MGAM: variants seen among roughly 807,000 people sequenced by gnomAD.
MGAM encodes the protein alpha-1,4-glucosidase.
MGAM carries 253 observed loss-of-function variants against 358.8 expected under a neutral mutation model. That is an observed-to-expected ratio of 0.71 (90% confidence interval 0.64 to 0.78). The LOEUF (loss-of-function observed/expected upper bound fraction) is 0.78, where lower values mean the gene tolerates loss of function less well. Ranked by LOEUF, MGAM falls within the 30% of genes least tolerant of loss-of-function variation. The probability of loss-of-function intolerance (pLI) is 0.00; values close to 1 mark genes in which losing one functional copy is unlikely to be tolerated. For synonymous variants in MGAM, 1,105 were observed against 1,227.1 expected, an observed-to-expected ratio of 0.90 and a Z score of 2.08; for missense variants, 3,080 against 3,432.6, an observed-to-expected ratio of 0.90 and a Z score of 2.57.
In MGAM at chr7:142,038,409, A is replaced by G. The variant is rs146791261; in HGVS notation, c.2232-122A>G. On this transcript the variant is annotated intron_variant, in intron 18 of 70. Transcript: ENST00000475668. ...GGGCTTGAGTAGGTGTCACAGAATAATTTGGGGGGTTTGCCTGGGCAGACG... is the reference window on the plus strand; with the variant it reads ...GGGCTTGAGTAGGTGTCACAGAATAGTTTGGGGGGTTTGCCTGGGCAGACG... The G allele has an allele frequency of 1.6e-3, 1,121 of 696,770 alleles. 14 individuals carry two copies. In the African/African-American group the frequency reaches 0.018, roughly 11 times the overall value. 43.2% of individuals were successfully genotyped at this position (696,770 alleles called of 1,614,324 possible). A position where few individuals can be genotyped will look rare whatever the true frequency, so the allele number is the denominator to read the frequency against.
At chr7:142,082,626 C>G (rs111238471) in intron 52 of MGAM, 55 bp downstream of exon 52, 5 of 1,309,408 alleles carry the variant, frequency 3.8e-6, no homozygotes, top group Non-Finnish European at 1.1e-6. Flanking sequence ...ATGCCTGAGT[C>G]AGTTTAGAAT....
At chr7:142,087,852 G>A (rs1348535972) in intron 57 of MGAM, among the ~76,000 whole-genome samples, 3 of 146,456 alleles carry the variant, frequency 2.0e-5, no homozygotes, top group Admixed American at 1.4e-4. Context: ...CCACTCAGAA[G>A]TCCAGGGGCA....
intron 13 of MGAM, 85 bp downstream of exon 13, chr7:142,031,878 GGGAGAGGAGGA>G: frequency 1.1e-6 from 1 of 883,464 alleles, no homozygotes; most frequent in Non-Finnish European, 1.8e-6. Context: ...ACAGAGCATA[GGGAGAGGAGGA>G]GGAGAAGAAA....
intron 47 of MGAM, among the ~76,000 whole-genome samples, chr7:142,078,096 A>C (rs1402364253): frequency 6.8e-6 from 1 of 146,036 alleles, no homozygotes; most frequent in African/African-American, 2.4e-5. Context: ...TGCTATGTAC[A>C]AGATTCTGCT....
intron 6 of MGAM, 79 bp downstream of exon 6, chr7:142,021,816 C>T (rs1806489523): frequency 1.8e-5 from 26 of 1,442,456 alleles, no homozygotes; most frequent in Non-Finnish European, 2.4e-5. Flanking sequence ...GGGGGTGTTT[C>T]AACAATATTC....
rs1816680783 is a variant in MGAM, at chr7:142,104,426, A to G, written c.8184+987A>G. On this transcript the variant is annotated intron_variant, in intron 70 of 70. Coordinates refer to ENST00000475668, the MANE Select transcript of MGAM (RefSeq NM_001365693.1). ...TAGTTTATTGTATTTATTATTATTT[A>G]GAAGAAAAATATGTGTTACAAATTG... Among the ~76,000 whole-genome samples the G allele has an allele frequency of 2.0e-5, 3 of 152,182 alleles. No homozygotes were observed. The South Asian group carries it at 6.2e-4, about 32-fold the overall frequency.
rs1177021069 is a variant in MGAM at position 142,083,299 on chromosome 7, A to T, written c.6269-2A>T. On this transcript the variant is annotated splice_acceptor_variant, in intron 52 of 70. Transcript: ENST00000475668. LOFTEE classifies it high-confidence loss of function. ...TTGATTAGCATTTTTCTTCATTTTC[A>T]GATGTGACGTTCCAGCCCCTGCCTG... is the stretch of plus-strand genomic sequence containing the variant. 6.5e-7 allele frequency: 1 copy of T among 1,542,618 alleles called. No individual in the cohort carries two copies. Among genetic ancestry groups the T allele is most frequent in the Admixed American group, 1.7e-5 (1 of 57,432 alleles).
At chr7:142,078,250 A>G in intron 47 of MGAM, 68 bp from the exon 48 acceptor site, 1 of 1,167,340 alleles carries the variant, frequency 8.6e-7, no homozygotes, top group Non-Finnish European at 1.2e-6. Flanking sequence ...ATAAATAAAT[A>G]AAGTCTTAGA....
upstream of MGAM, among the ~76,000 whole-genome samples, chr7:141,994,432 T>G (rs1327727791): frequency 6.6e-6 from 1 of 152,166 alleles, no homozygotes; most frequent in Admixed American, 6.5e-5. Flanking sequence ...TGGCAGGGAA[T>G]GAAATCACAG....
At chr7:142,027,868 G>T in intron 10 of MGAM, 133 bp downstream of exon 10, 1 of 981,282 alleles carries the variant, frequency 1.0e-6, no homozygotes, top group Non-Finnish European at 1.3e-6. Flanking sequence ...TAGATATTCA[G>T]AATACTAGAC....
chr7:142,057,348 C>T (rs1008637722), intron 30 of MGAM, among the ~76,000 whole-genome samples: 5 of 146,894 alleles, frequency 3.4e-5, no homozygotes, highest in Non-Finnish European at 6.0e-5. Context: ...GTGATGATGA[C>T]GGTGATAGTG....
In MGAM at chr7:142,041,895, A is replaced by AATAT. The variant is rs1230785108; in HGVS notation, c.2498+1056_2498+1059dup. On this transcript the variant is annotated intron_variant, in intron 21 of 70. Coordinates refer to ENST00000475668, the MANE Select transcript of MGAM (RefSeq NM_001365693.1). The stretch of plus-strand genomic sequence containing the variant: ...TATTATATATATACGTATAATATAT[A>AATAT]ATATATATATTATATATATACGTAT... Among the ~76,000 whole-genome samples the AATAT allele has an allele frequency of 8.3e-3, 330 of 39,650 alleles. 17 individuals are homozygous for AATAT. The highest frequency in any genetic ancestry group is 0.012 in the South Asian group (21 of 1,748). 26.0% of individuals were successfully genotyped at this position (39,650 alleles called of 152,430 possible).
intron 21 of MGAM, among the ~76,000 whole-genome samples, chr7:142,046,004 A>G (rs1810316695): frequency 7.4e-6 from 1 of 135,476 alleles, no homozygotes; most frequent in Non-Finnish European, 1.5e-5. Flanking sequence ...AATATGTAAT[A>G]TATATTATGT....
chr7:142,104,087 T>G (rs1432262067), intron 70 of MGAM, among the ~76,000 whole-genome samples: 2 of 152,088 alleles, frequency 1.3e-5, no homozygotes, highest in Non-Finnish European at 1.5e-5. Flanking sequence ...CTCCTGACCC[T>G]GTGATCCGCC....
At chr7:142,068,587 T>C (rs1813049377) in intron 42 of MGAM, 60 bp from the exon 43 acceptor site, 2 of 1,279,498 alleles carry the variant, frequency 1.6e-6, no homozygotes, top group South Asian at 1.2e-5. Flanking sequence ...CCTAAGCAGT[T>C]TGGTTACTCT....
chr7:142,045,355 A>T (rs1456798701), intron 21 of MGAM, among the ~76,000 whole-genome samples: 1 of 96,720 alleles, frequency 1.0e-5, no homozygotes, highest in Non-Finnish European at 1.9e-5. Context: ...TCCCTATAAT[A>T]CATGATATAT....
intron 1 of MGAM, among the ~76,000 whole-genome samples, chr7:141,998,939 C>T (rs185683840): frequency 6.6e-4 from 100 of 152,188 alleles, no homozygotes; most frequent in Non-Finnish European, 8.8e-5. Context: ...TTCTGACCAA[C>T]CTAATTAAAA....
intron 4 of MGAM, among the ~76,000 whole-genome samples, chr7:142,020,444 A>C (rs1806335113): frequency 6.6e-6 from 1 of 152,086 alleles, no homozygotes; most frequent in Non-Finnish European, 1.5e-5. Context: ...GAAGAGAGAC[A>C]TAGATTTTTA....
chr7:142,099,515 A>G, intron 66 of MGAM, 98 bp from the exon 67 acceptor site: 1 of 1,579,980 alleles, frequency 6.3e-7, no homozygotes, highest in South Asian at 1.1e-5. Context: ...ATGAGCAGGC[A>G]TAAGTTCAGA....
Sources: gnomAD v4.1 joint callset for allele counts (sites outside exome capture counted in the v4.1 genomes callset) on GRCh38, gnomAD v4.1.1 for gene constraint, MANE v1.5 for transcripts, NCBI Gene and HGNC (gene_info 2026-07-23, HGNC 2026-07-21) for gene names.